Variants in CRYZL1 observed in about 807,000 individuals in gnomAD.
CRYZL1 encodes the protein ferry endosomal RAB5 effector complex subunit 4.
CRYZL1 carries 34 observed loss-of-function variants against 50.6 expected under a neutral mutation model. That is an observed-to-expected ratio of 0.67 (90% CI 0.51 to 0.89). The LOEUF (loss-of-function observed/expected upper bound fraction) is 0.89. CRYZL1 is among the 40% of genes least tolerant of loss of function. The probability of loss-of-function intolerance (pLI) is 0.00; values close to 1 mark genes in which losing one functional copy is unlikely to be tolerated. For missense variants in CRYZL1, 354 were observed against 402.3 expected, an observed-to-expected ratio of 0.88 and a Z score of 1.03; for synonymous variants, 125 against 134.3, an observed-to-expected ratio of 0.93 and a Z score of 0.48.
At chr21:33,620,939 G>GCTGT (rs1426193047) in intron 4 of CRYZL1, among the ~76,000 whole-genome samples, 3 of 26,180 alleles carry the variant, frequency 1.1e-4, no homozygotes, top group Non-Finnish European at 2.1e-4. Flanking sequence ...ACGGAGTCTC[G>GCTGT]CTGTCGCCCA....
intron 4 of CRYZL1, among the ~76,000 whole-genome samples, chr21:33,620,158 CAT>C (rs2086977443): frequency 6.6e-6 from 1 of 152,188 alleles, no homozygotes; most frequent in African/African-American, 2.4e-5. Flanking sequence ...CAGAAGATTA[CAT>C]AGAGTATCAA....
In CRYZL1 at chr21:33,599,216, G is replaced by T. The variant is rs745605421; in HGVS notation, c.610C>A (p.His204Asn). ...TCTTCCAAACAGCTTTCAGCAACAT[G>T]AACTTTCCCATTAGATACATCAATC... is the stretch of plus-strand genomic sequence containing the variant. ...RVIDVSNGKV[H>N]VAESCLEETG... The change falls in exon 9 of 13, where the codon CAT becomes AAT. Residue 204 changes from histidine to asparagine, a missense_variant. His to Asn is a moderately conservative substitution (Grantham distance 68). Coordinates refer to ENST00000381554, the MANE Select transcript of CRYZL1 (RefSeq NM_145858.3). 1.2e-6 allele frequency: 2 copies of T among 1,613,742 alleles called. No homozygotes were observed.
intron 6 of CRYZL1, among the ~76,000 whole-genome samples, chr21:33,604,870 G>T (rs999066614): frequency 6.6e-6 from 1 of 152,156 alleles, no homozygotes; most frequent in Non-Finnish European, 1.5e-5. Flanking sequence ...AATTGGAGTG[G>T]AAATCCTAGG....
At chr21:33,599,858 CT>C (rs2086732764) in intron 8 of CRYZL1, among the ~76,000 whole-genome samples, 1 of 151,904 alleles carries the variant, frequency 6.6e-6, no homozygotes, top group African/African-American at 2.4e-5. Context: ...TATTTTTGAA[CT>C]CTTGGCTTCA....
At chr21:33,635,753 C>T (rs1028105895) in intron 1 of CRYZL1, among the ~76,000 whole-genome samples, 4 of 151,716 alleles carry the variant, frequency 2.6e-5, no homozygotes, top group East Asian at 3.9e-4. Context: ...GAGACCGAGG[C>T]GGGTGGATCA....
intron 4 of CRYZL1, among the ~76,000 whole-genome samples, chr21:33,621,185 G>A (rs1443513787): frequency 4.7e-5 from 7 of 148,548 alleles, no homozygotes; most frequent in African/African-American, 1.7e-4. Context: ...GATTACAGGC[G>A]TGAGCCACCG....
At chr21:33,622,141 C>A (rs769066629) in intron 3 of CRYZL1, 73 bp from the exon 4 acceptor site, 2 of 1,208,192 alleles carry the variant, frequency 1.7e-6, no homozygotes, top group Non-Finnish European at 2.4e-6. Context: ...ATGAGGAAAG[C>A]GAGAGTAAAA....
At chr21:33,593,320 A>C (rs1309616649) in intron 11 of CRYZL1, among the ~76,000 whole-genome samples, 1 of 151,966 alleles carries the variant, frequency 6.6e-6, no homozygotes, top group Non-Finnish European at 1.5e-5. Context: ...GTTCGCCAGG[A>C]TGGTCTCAAT....
chr21:33,600,089 G>A (rs1300736610), intron 8 of CRYZL1, among the ~76,000 whole-genome samples: 9 of 152,136 alleles, frequency 5.9e-5, no homozygotes, highest in African/African-American at 2.2e-4. Flanking sequence ...TAAACCGATC[G>A]TAACATTTAA....
rs1264355951 is a variant in CRYZL1 at position 33,608,985 on chromosome 21, C to T, written c.331+4553G>A. Among the ~76,000 whole-genome samples, 3 of 152,198 alleles carry T rather than the reference C, an allele frequency of 2.0e-5. No homozygotes were observed. The East Asian group carries it at 5.8e-4, about 29-fold the overall frequency. On this transcript the variant is annotated intron_variant, in intron 6 of 12. Transcript: ENST00000381554. ...TTCTCACCAATAGCGTACAAAGTTT[C>T]CCTTTTCTCCACATTCTCGCCAATA...
chr21:33,617,072 T>TGCA, intron 4 of CRYZL1: 1 of 173,702 alleles, frequency 5.8e-6, no homozygotes, highest in South Asian at 1.4e-4. Context: ...GGCTGGAGTT[T>TGCA]GTGGCACGAT....
chr21:33,638,571 G>A (rs2087239320), intron 1 of CRYZL1, among the ~76,000 whole-genome samples: 1 of 152,126 alleles, frequency 6.6e-6, no homozygotes, highest in African/African-American at 2.4e-5. Context: ...TCTCTACATG[G>A]TATAGTCAAC....
chr21:33,595,468 G>T (rs751657679), intron 11 of CRYZL1: 2 of 1,358,554 alleles, frequency 1.5e-6, no homozygotes, highest in African/African-American at 1.5e-5. Context: ...TGTGATTCTT[G>T]CTCCGCCACT....
chr21:33,633,481 C>G (rs1251610426), intron 1 of CRYZL1, among the ~76,000 whole-genome samples: 1 of 151,666 alleles, frequency 6.6e-6, no homozygotes, highest in African/African-American at 2.4e-5. Flanking sequence ...AGGGCGCAGT[C>G]TCGGCTCACT....
intron 1 of CRYZL1, chr21:33,639,922 T>C (rs1372031196): frequency 3.2e-6 from 1 of 307,932 alleles, no homozygotes; most frequent in Non-Finnish European, 6.0e-6. Flanking sequence ...GCCTCCCGGG[T>C]TCAAGCAATT....
intron 2 of CRYZL1, among the ~76,000 whole-genome samples, chr21:33,627,977 C>T (rs2087088989): frequency 6.6e-6 from 1 of 152,080 alleles, no homozygotes; most frequent in Admixed American, 6.5e-5. Context: ...GATCTCCTGA[C>T]CTCATGATCT....
chr21:33,641,391 G>C, intron 1 of CRYZL1: 2 of 1,453,972 alleles, frequency 1.4e-6, no homozygotes, highest in Non-Finnish European at 1.8e-6. Context: ...GGGAGATTAA[G>C]TGGAAGGGCA....
At chr21:33,630,367 C>T (rs1310983212) in intron 2 of CRYZL1, among the ~76,000 whole-genome samples, 1 of 152,154 alleles carries the variant, frequency 6.6e-6, no homozygotes, top group African/African-American at 2.4e-5. Flanking sequence ...GAGCGGATCA[C>T]CTGAGGTCGG....
intron 8 of CRYZL1, 101 bp from the exon 9 acceptor site, chr21:33,599,349 T>C (rs1405524250): frequency 1.4e-6 from 2 of 1,467,946 alleles, no homozygotes. Flanking sequence ...TATCTATTCT[T>C]GAAATGAGTT....
Sources: gnomAD v4.1 joint callset for allele counts (sites outside exome capture counted in the v4.1 genomes callset) on GRCh38, gnomAD v4.1.1 for gene constraint, MANE v1.5 for transcripts, NCBI Gene and HGNC (gene_info 2026-07-23, HGNC 2026-07-21) for gene names.